The following METAP2 variants were observed in gnomAD, a reference collection of about 807,000 sequenced individuals.
METAP2 encodes methionine aminopeptidase 2.
Under a neutral mutation model 59.4 loss-of-function variants are expected in METAP2, and 25 were observed. The ratio of observed to expected loss-of-function variants is 0.42; its 90% CI spans 0.31 to 0.59. The LOEUF is 0.59. Among genes scored for constraint, METAP2 ranks in the 20% least tolerant of loss-of-function variants. The pLI is 0.16. For missense variants in METAP2, 366 were observed against 581.2 expected, an observed-to-expected ratio of 0.63 and a Z score of 3.81; for synonymous variants, 214 against 194.1, an observed-to-expected ratio of 1.10 and a Z score of -0.85.
chr12:95,504,216 G>T (rs1246403963), intron 8 of METAP2, 55 bp downstream of exon 8: 3 of 1,275,542 alleles, frequency 2.4e-6, no homozygotes, highest in Middle Eastern at 4.0e-4. Flanking sequence ...AACTATTGTC[G>T]AGTGTTTTCT....
At chr12:95,476,261 C>A (rs2076117746) in intron 2 of METAP2, 83 bp downstream of exon 2, 1 of 832,788 alleles carries the variant, frequency 1.2e-6, no homozygotes, top group African/African-American at 1.7e-5. Flanking sequence ...AATCCCAGCA[C>A]TTTGGGAGGT....
Position 95,508,279 on chromosome 12 carries a change from C to G in METAP2, c.965-3616C>G, listed in dbSNP as rs572254729. Among the ~76,000 whole-genome samples, 49 of 152,232 alleles carry G rather than the reference C, an allele frequency of 3.2e-4. No homozygotes were observed. In the South Asian group the frequency reaches 0.01, roughly 32 times the overall value. ...TTTAGAAGATCTCATTTCCAGTGTG[C>G]TTTTCTTTGGAAAATGTTTTGTCCA... On this transcript the variant is annotated intron_variant, in intron 8 of 10. Transcript: ENST00000323666.
chr12:95,495,864 T>C, intron 6 of METAP2, 140 bp from the exon 7 acceptor site: 2 of 603,198 alleles, frequency 3.3e-6, no homozygotes, highest in Non-Finnish European at 5.9e-6. Flanking sequence ...GAATGATCTT[T>C]GGGTATTTGG....
intron 3 of METAP2, among the ~76,000 whole-genome samples, chr12:95,485,322 A>G (rs2076188084): frequency 6.6e-6 from 1 of 152,120 alleles, no homozygotes; most frequent in African/African-American, 2.4e-5. Flanking sequence ...TTGTCATGTA[A>G]TTTATGCACA....
intron 2 of METAP2, among the ~76,000 whole-genome samples, chr12:95,480,309 G>A (rs2076149402): frequency 6.6e-6 from 1 of 152,074 alleles, no homozygotes; most frequent in African/African-American, 2.4e-5. Context: ...TTACAGTTTT[G>A]GTCTGTTGTG....
intron 7 of METAP2, among the ~76,000 whole-genome samples, chr12:95,498,780 G>A (rs1488052201): frequency 6.6e-6 from 1 of 152,096 alleles, no homozygotes; most frequent in Non-Finnish European, 1.5e-5. Context: ...TTTGGAGTCC[G>A]AGGTGGGAGG....
intron 1 of METAP2, among the ~76,000 whole-genome samples, chr12:95,474,880 CA>C (rs1308220530): frequency 6.6e-6 from 1 of 152,130 alleles, no homozygotes; most frequent in Non-Finnish European, 1.5e-5. Flanking sequence ...CCCGCGCGCT[CA>C]TGTCATTAAT....
chr12:95,474,410 ACCGGGGC>A (rs1303101070), intron 1 of METAP2, 80 bp downstream of exon 1: 2 of 1,505,176 alleles, frequency 1.3e-6, no homozygotes, highest in Admixed American at 4.3e-5. Flanking sequence ...GGGGGCCGGG[ACCGGGGC>A]CCCAGAGCCC....
intron 3 of METAP2, among the ~76,000 whole-genome samples, chr12:95,485,137 C>G (rs301035): frequency 0.079 from 12,060 of 152,088 alleles, 665 homozygotes; most frequent in Non-Finnish European, 0.12. Flanking sequence ...TTATAATTTT[C>G]GAAGGTTATC....
At chr12:95,488,184 C>T (rs927848755) in intron 4 of METAP2, among the ~76,000 whole-genome samples, 1 of 151,834 alleles carries the variant, frequency 6.6e-6, no homozygotes, top group African/African-American at 2.4e-5. Context: ...TTTTTAAATG[C>T]ATTATGTGTC....
At chr12:95,507,617 C>T (rs1000183117) in intron 8 of METAP2, among the ~76,000 whole-genome samples, 8 of 152,318 alleles carry the variant, frequency 5.3e-5, no homozygotes, top group Non-Finnish European at 8.8e-5. Flanking sequence ...CGTTAAGGAT[C>T]TTCTTTTCAG....
intron 1 of METAP2, among the ~76,000 whole-genome samples, chr12:95,474,642 T>C (rs2140134187): frequency 6.6e-6 from 1 of 152,300 alleles, no homozygotes; most frequent in Non-Finnish European, 1.5e-5. Flanking sequence ...GGTCTTGAGA[T>C]TGTGCGCAGA....
chr12:95,503,396 G>C (rs574886126), intron 7 of METAP2, among the ~76,000 whole-genome samples: 51 of 152,170 alleles, frequency 3.4e-4, no homozygotes, highest in Non-Finnish European at 6.3e-4. Context: ...CCCAGAGGGG[G>C]AGAACAAGAA....
intron 8 of METAP2, among the ~76,000 whole-genome samples, chr12:95,505,052 C>T (rs978983576): frequency 6.6e-6 from 1 of 152,178 alleles, no homozygotes; most frequent in Non-Finnish European, 1.5e-5. Context: ...TCTCTGTGAT[C>T]CTGCTGTAAT....
Position 95,491,620 on chromosome 12 carries a change from C to T in METAP2, c.429-2436C>T, listed in dbSNP as rs190537073. Among the ~76,000 whole-genome samples the T allele has an allele frequency of 2.3e-3, 343 of 151,724 alleles. 1 individual carries two copies. Among genetic ancestry groups the T allele is most frequent in the African/African-American group, 7.4e-3 (307 of 41,352 alleles). ...CTGCCTCCCAGGCTCAAGCAGTTCT[C>T]GTGCCTGAGCCTCCCGAGTAGCTGG... On this transcript the variant is annotated intron_variant, in intron 4 of 10. Coordinates refer to ENST00000323666, the MANE Select transcript of METAP2 (RefSeq NM_006838.4).
At chr12:95,512,411 A>C (rs550801344) in intron 9 of METAP2, among the ~76,000 whole-genome samples, 1 of 152,192 alleles carries the variant, frequency 6.6e-6, no homozygotes, top group African/African-American at 2.4e-5. Context: ...AGACTTCAAG[A>C]GATGGTAATT....
chr12:95,493,195 G>C (rs927092096), intron 4 of METAP2, among the ~76,000 whole-genome samples: 1 of 152,134 alleles, frequency 6.6e-6, no homozygotes, highest in Non-Finnish European at 1.5e-5. Context: ...AAAAAATTCT[G>C]TCAGTTGGGG....
In METAP2 at chr12:95,512,931, G is replaced by T; in HGVS notation, c.1184+15G>T. The T allele has an allele frequency of 1.5e-5, 22 of 1,468,202 alleles. No homozygotes were observed. The highest frequency in any genetic ancestry group is 2.1e-5 in the Non-Finnish European group (22 of 1,051,046). The allele number at this position is 1,468,202 out of a possible 1,614,324, so 90.9% of individuals were successfully genotyped here. ...GTGCCAATAAGGTGAGAGACGAGAC[G>T]ATTGATTTTATGTGGCTAATTAGCA... On this transcript the variant is annotated intron_variant, in intron 10 of 10. Coordinates refer to ENST00000323666, the MANE Select transcript of METAP2 (RefSeq NM_006838.4).
At chr12:95,505,443 GCCT>G (rs2076351006) in intron 8 of METAP2, among the ~76,000 whole-genome samples, 1 of 151,374 alleles carries the variant, frequency 6.6e-6, no homozygotes, top group African/African-American at 2.4e-5. Context: ...TTCTGCCTCA[GCCT>G]CCTCATTAGC....
Sources: gnomAD v4.1 joint callset for allele counts (sites outside exome capture counted in the v4.1 genomes callset) on GRCh38, gnomAD v4.1.1 for gene constraint, MANE v1.5 for transcripts, NCBI Gene and HGNC (gene_info 2026-07-23, HGNC 2026-07-21) for gene names.